SUMF1: variants seen among roughly 807,000 people sequenced by gnomAD.
SUMF1 encodes formylglycine-generating enzyme.
Under a neutral mutation model 47.6 loss-of-function variants are expected in SUMF1, and 48 were observed. That is an observed-to-expected ratio of 1.01 (90% CI 0.80 to 1.28). The LOEUF (loss-of-function observed/expected upper bound fraction) is 1.28. Among genes scored for constraint, SUMF1 ranks in the 50% most tolerant of loss-of-function variants. SUMF1 has a pLI of 0.00. For synonymous variants in SUMF1, 230 were observed against 192.1 expected (o/e 1.20, Z -1.63); for missense variants, 571 against 485.4 (o/e 1.18, Z -1.66).
intron 8 of SUMF1, among the ~76,000 whole-genome samples, chr3:4,256,763 G>C (rs1442325007): frequency 6.6e-6 from 1 of 152,024 alleles, no homozygotes; most frequent in Non-Finnish European, 1.5e-5. Context: ...CATTTGATGA[G>C]GCCAGCATCA....
At position 4,417,150 on chromosome 3, in the gene SUMF1, T is replaced by C. The variant is rs772711848; in HGVS notation, c.818A>G (p.Asp273Gly). The C allele has an allele frequency of 2.5e-6, 4 of 1,613,794 alleles. No homozygotes were observed. The highest frequency in any genetic ancestry group is 1.7e-5 in the Admixed American group (1 of 59,990). ...GEFPVTNTGE[D>G]GFQGTAPVDA... ...CACAGGCGCAGTTCCTTGGAAGCCA[T>C]CCTCACCAGTGTTGGTCACCGGAAA... is the stretch of plus-strand genomic sequence containing the variant. The change falls in exon 6 of 9, where the codon GAT becomes GGT. Residue 273 changes from aspartate (D) to glycine (G), a missense_variant. Physicochemically the swap from Asp to Gly is moderately conservative, Grantham distance 94. Transcript: ENST00000272902.
chr3:4,089,014 A>T (rs1692729163), intron 8 of SUMF1, among the ~76,000 whole-genome samples: 1 of 151,954 alleles, frequency 6.6e-6, no homozygotes, highest in African/African-American at 2.4e-5. Flanking sequence ...TCCACCAATG[A>T]CTCTCAACCA....
chr3:4,119,229 C>T (rs1418715781), intron 8 of SUMF1, among the ~76,000 whole-genome samples: 1 of 152,118 alleles, frequency 6.6e-6, no homozygotes, highest in Non-Finnish European at 1.5e-5. Flanking sequence ...TTAGGCTTAT[C>T]ATTTATCTTC....
At chr3:4,306,727 C>T (rs567338301) in intron 8 of SUMF1, among the ~76,000 whole-genome samples, 158 of 152,332 alleles carry the variant, frequency 1.0e-3, no homozygotes, top group African/African-American at 3.5e-3. Context: ...CTTGCTTGCT[C>T]CAAACCCTGC....
chr3:4,140,503 C>T (rs910119301), intron 8 of SUMF1, among the ~76,000 whole-genome samples: 2 of 151,828 alleles, frequency 1.3e-5, no homozygotes, highest in Non-Finnish European at 2.9e-5. Flanking sequence ...AAATCAGTGC[C>T]CTTTGGACTC....
chr3:4,134,490 G>A (rs1303356969), intron 8 of SUMF1, among the ~76,000 whole-genome samples: 1 of 152,084 alleles, frequency 6.6e-6, no homozygotes. Flanking sequence ...GAAATTTATA[G>A]CACTAAATGC....
chr3:4,154,880 G>A (rs1694418512), intron 8 of SUMF1, among the ~76,000 whole-genome samples: 2 of 151,444 alleles, frequency 1.3e-5, no homozygotes, highest in Admixed American at 1.3e-4. Context: ...ATATATGACT[G>A]CAACTTGAAG....
intron 8 of SUMF1, among the ~76,000 whole-genome samples, chr3:4,362,895 C>A (rs1226772417): frequency 2.0e-5 from 3 of 151,240 alleles, no homozygotes; most frequent in Non-Finnish European, 2.9e-5. Flanking sequence ...GCCTGGGTGA[C>A]AGAGCAAGAT....
chr3:4,163,828 G>T (rs939267004), intron 8 of SUMF1, among the ~76,000 whole-genome samples: 2 of 152,070 alleles, frequency 1.3e-5, no homozygotes, highest in Non-Finnish European at 2.9e-5. Flanking sequence ...TCTTCTAATA[G>T]ACAGCCATCA....
chr3:4,411,129 C>T, intron 6 of SUMF1, 151 bp from the exon 7 acceptor site: 1 of 746,284 alleles, frequency 1.3e-6, no homozygotes, highest in Non-Finnish European at 2.3e-6. Context: ...AACATAAAGA[C>T]AAAGAAAGGG....
intron 8 of SUMF1, among the ~76,000 whole-genome samples, chr3:4,192,798 A>G (rs1208513238): frequency 6.6e-6 from 1 of 152,116 alleles, no homozygotes. Context: ...AATTTAATTA[A>G]TCATGCCTTT....
chr3:4,230,993 C>A (rs1696286268), intron 8 of SUMF1, among the ~76,000 whole-genome samples: 1 of 152,106 alleles, frequency 6.6e-6, no homozygotes, highest in South Asian at 2.1e-4. Flanking sequence ...GGTTTCATAA[C>A]CCTATGTCTA....
At chr3:4,108,632 G>C (rs56047514) in intron 8 of SUMF1, among the ~76,000 whole-genome samples, 2,207 of 152,164 alleles carry the variant, frequency 0.015, 70 homozygotes, top group African/African-American at 0.051. Flanking sequence ...ATATATTTAG[G>C]ATAGTTAGCT....
intron 8 of SUMF1, among the ~76,000 whole-genome samples, chr3:4,176,343 G>T (rs948890713): frequency 6.6e-6 from 1 of 152,138 alleles, no homozygotes; most frequent in African/African-American, 2.4e-5. Context: ...AGATCTCTTG[G>T]CAGAAACCCT....
rs147470035 is a variant in SUMF1, at chr3:4,448,405, CCTTCGT to C, written c.519+855_519+860del. 6.7e-3 allele frequency among the ~76,000 whole-genome samples: 1,022 copies of C among 152,230 alleles called. 7 individuals carry two copies. The highest frequency in any genetic ancestry group is 0.023 in the African/African-American group (973 of 41,540). On this transcript the variant is annotated intron_variant, in intron 3 of 8. Transcript: ENST00000272902. ...TAAAAAGGAAGATGAGGGCTGGATT[CCTTCGT>C]CTTCAATGCCTCTAGCTTCATCAGC...
chr3:4,200,580 G>A (rs187389750), intron 8 of SUMF1, among the ~76,000 whole-genome samples: 3 of 152,172 alleles, frequency 2.0e-5, no homozygotes, highest in African/African-American at 7.2e-5. Flanking sequence ...AGTTTCTCTA[G>A]TTCTGAGACC....
At chr3:4,203,386 A>C (rs758138467) in intron 8 of SUMF1, among the ~76,000 whole-genome samples, 11 of 151,948 alleles carry the variant, frequency 7.2e-5, no homozygotes, top group Non-Finnish European at 1.6e-4. Flanking sequence ...CATTTTATGT[A>C]ATATAAATAT....
intron 8 of SUMF1, among the ~76,000 whole-genome samples, chr3:4,196,011 T>C (rs138810413): frequency 1.3e-5 from 2 of 152,266 alleles, no homozygotes; most frequent in African/African-American, 4.8e-5. Flanking sequence ...ATTTAGATCA[T>C]ATCAATTATA....
intron 3 of SUMF1, among the ~76,000 whole-genome samples, chr3:4,446,615 T>A (rs116350434): frequency 0.013 from 1,992 of 152,254 alleles, 10 homozygotes; most frequent in Admixed American, 0.02. Context: ...ATCAGGTGCC[T>A]CATGGGGAAA....
Sources: allele counts gnomAD v4.1 joint callset (sites outside exome capture counted in the v4.1 genomes callset), GRCh38; gene constraint gnomAD v4.1.1; transcripts MANE v1.5; gene names NCBI Gene and HGNC (gene_info 2026-07-23, HGNC 2026-07-21).